Variants in RAD54B observed in about 807,000 individuals in gnomAD.
The protein encoded by RAD54B is DNA repair and recombination protein RAD54B.
In RAD54B, 78 loss-of-function variants were observed where a neutral mutation model predicts 95.8. The ratio of observed to expected loss-of-function variants is 0.81; its 90% confidence interval spans 0.68 to 0.98. The LOEUF is 0.98. Ranked by LOEUF, RAD54B falls within the 50% of genes least tolerant of loss-of-function variation. The pLI is 0.00. For missense variants in RAD54B, 957 were observed against 1,056.6 expected (o/e 0.91, Z 1.31); for synonymous variants, 328 against 354.9 (o/e 0.92, Z 0.85).
At chr8:94,375,535 T>C (rs917826055) in intron 14 of RAD54B, among the ~76,000 whole-genome samples, 1 of 152,224 alleles carries the variant, frequency 6.6e-6, no homozygotes, top group Non-Finnish European at 1.5e-5. Flanking sequence ...TCCCCAGCTA[T>C]GTGGAACTGT....
chr8:94,388,575 A>G (rs16916792), intron 10 of RAD54B, among the ~76,000 whole-genome samples: 3,922 of 152,162 alleles, frequency 0.026, 182 homozygotes, highest in African/African-American at 0.089. Flanking sequence ...ACTTTTTTTT[A>G]TACTTCACAA....
chr8:94,416,376 C>T (rs189054466), intron 3 of RAD54B, among the ~76,000 whole-genome samples: 8 of 150,624 alleles, frequency 5.3e-5, no homozygotes, highest in South Asian at 4.2e-4. Flanking sequence ...TGTGGTGGGG[C>T]GAGGGGGGAG....
chr8:94,442,400 G>A lies in RAD54B; in HGVS notation c.304+15868C>T, dbSNP rs139685483. ...ATCCTGGCTAACATGGTGAAACCCC[G>A]TCTCTACTACTAAAAATACAAAACA... On this transcript the variant is annotated intron_variant, in intron 3 of 14. Coordinates refer to ENST00000336148, the MANE Select transcript of RAD54B (RefSeq NM_012415.3). Among the ~76,000 whole-genome samples, 746 of 152,020 alleles carry A rather than the reference G, an allele frequency of 4.9e-3. 38 individuals carry two copies. In the East Asian group the frequency reaches 0.12, roughly 25 times the overall value.
chr8:94,418,204 T>C (rs1191527432), intron 3 of RAD54B, among the ~76,000 whole-genome samples: 3 of 152,218 alleles, frequency 2.0e-5, no homozygotes, highest in Admixed American at 6.5e-5. Context: ...TAGTCCCTTA[T>C]TACTGGACTT....
chr8:94,445,529 G>T (rs1812501390), intron 3 of RAD54B, among the ~76,000 whole-genome samples: 1 of 151,996 alleles, frequency 6.6e-6, no homozygotes. Flanking sequence ...AATAAAATTT[G>T]TTTTTACCAC....
At position 94,400,382 on chromosome 8, in the gene RAD54B, G is replaced by C; in HGVS notation, c.1026C>G (p.Thr342=). The change falls in exon 7 of 15, where the codon ACC becomes ACG. Residue 342 remains threonine, a synonymous_variant. Coordinates refer to ENST00000336148, the MANE Select transcript of RAD54B (RefSeq NM_012415.3). ...KTLQCISLIW[T]LQCQGPYGGK... ...CTCCATAGGGTCCCTGACACTGCAG[G>C]GTCCAGATGAGCGAAATACATTGCA... is the stretch of plus-strand genomic sequence containing the variant. 1 of 1,613,670 alleles carries C rather than the reference G, an allele frequency of 6.2e-7. No homozygotes were observed. The highest frequency in any genetic ancestry group is 1.7e-4 in the Middle Eastern group (1 of 6,060).
At chr8:94,460,195 G>C (rs1451960838) in intron 2 of RAD54B, among the ~76,000 whole-genome samples, 1 of 151,058 alleles carries the variant, frequency 6.6e-6, no homozygotes, top group East Asian at 2.0e-4. Context: ...TCATGGCCAG[G>C]CATGGTGGCT....
At chr8:94,474,147 A>C (rs1270291215) in intron 1 of RAD54B, among the ~76,000 whole-genome samples, 2 of 152,228 alleles carry the variant, frequency 1.3e-5, no homozygotes, top group Non-Finnish European at 2.9e-5. Flanking sequence ...TCTCACTTAT[A>C]AATGGGAGCT....
intron 3 of RAD54B, among the ~76,000 whole-genome samples, chr8:94,420,509 G>A (rs976741662): frequency 6.6e-6 from 1 of 151,556 alleles, no homozygotes; most frequent in African/African-American, 2.4e-5. Flanking sequence ...TCTGGTCTAC[G>A]TCAGCCTCCC....
At chr8:94,373,524 G>A (rs1340801515) in intron 14 of RAD54B, among the ~76,000 whole-genome samples, 1 of 152,200 alleles carries the variant, frequency 6.6e-6, no homozygotes, top group African/African-American at 2.4e-5. Context: ...GGGTATCCCA[G>A]CAGAGGACTC....
At chr8:94,470,403 C>T (rs1320589433) in intron 1 of RAD54B, among the ~76,000 whole-genome samples, 2 of 152,166 alleles carry the variant, frequency 1.3e-5, no homozygotes, top group African/African-American at 4.8e-5. Context: ...CAAGACCAGC[C>T]TCATCAACAT....
intron 1 of RAD54B, among the ~76,000 whole-genome samples, chr8:94,474,429 G>C (rs1042452396): frequency 7.9e-5 from 12 of 152,234 alleles, no homozygotes; most frequent in Non-Finnish European, 1.5e-5. Context: ...CAGTAGGTTA[G>C]CTGTGTTTTA....
intron 3 of RAD54B, chr8:94,429,562 G>A (rs1387770229): frequency 2.0e-6 from 2 of 982,320 alleles, no homozygotes; most frequent in African/African-American, 1.8e-5. Flanking sequence ...TCTCATATAT[G>A]TGCTTTCAAT....
In RAD54B at chr8:94,389,258, C is replaced by T. The variant is rs192558787; in HGVS notation, c.1810-2099G>A. Among the ~76,000 whole-genome samples, 247 of 152,288 alleles carry T rather than the reference C, an allele frequency of 1.6e-3. 4 individuals carry two copies. Among genetic ancestry groups the T allele is most frequent in the African/African-American group, 5.8e-3 (240 of 41,562 alleles). Reference sequence around the variant, plus strand: ...GCGTGAGCCACCGCCCTGGCCAAGACGGGCGATCTTAATGCACAAGTTCTT... The same window carrying T: ...GCGTGAGCCACCGCCCTGGCCAAGATGGGCGATCTTAATGCACAAGTTCTT... On this transcript the variant is annotated intron_variant, in intron 10 of 14. Coordinates refer to ENST00000336148, the MANE Select transcript of RAD54B (RefSeq NM_012415.3).
chr8:94,458,538 G>GTT (rs773569026), intron 2 of RAD54B, 102 bp from the exon 3 acceptor site: 19 of 824,798 alleles, frequency 2.3e-5, no homozygotes, highest in Admixed American at 7.0e-5. Context: ...GGACATACTG[G>GTT]TTATATATAT....
intron 8 of RAD54B, among the ~76,000 whole-genome samples, chr8:94,394,896 G>A (rs2129994194): frequency 6.6e-6 from 1 of 151,972 alleles, no homozygotes; most frequent in Admixed American, 6.6e-5. Flanking sequence ...AAACTTAATG[G>A]GTCCTCCCCA....
chr8:94,374,647 G>C (rs1166873487), intron 14 of RAD54B, among the ~76,000 whole-genome samples: 2 of 151,900 alleles, frequency 1.3e-5, no homozygotes, highest in Non-Finnish European at 2.9e-5. Context: ...AAGACAAAAT[G>C]AAAGCAAAAG....
At chr8:94,445,237 T>TA (rs1203350098) in intron 3 of RAD54B, among the ~76,000 whole-genome samples, 4 of 152,124 alleles carry the variant, frequency 2.6e-5, no homozygotes, top group African/African-American at 9.7e-5. Flanking sequence ...TAAAGGGTAC[T>TA]AATCGCATTC....
rs2470741 is a variant in RAD54B, at chr8:94,386,817, C to T, written c.1985+167G>A. ...TTTAGTTTTTCTTAAAACTTACAGACACATTGTTAATTACAAGTTTATGAA... is the reference window on the plus strand; with the variant it reads ...TTTAGTTTTTCTTAAAACTTACAGATACATTGTTAATTACAAGTTTATGAA... On this transcript the variant is annotated intron_variant, in intron 11 of 14. Coordinates refer to ENST00000336148, the MANE Select transcript of RAD54B (RefSeq NM_012415.3). Among the ~76,000 whole-genome samples the T allele has an allele frequency of 0.91, 137,752 of 152,210 alleles. 62,774 individuals are homozygous for T. The highest frequency in any genetic ancestry group is 0.96 in the Non-Finnish European group (65,157 of 68,020).
Sources: allele counts gnomAD v4.1 joint callset (sites outside exome capture counted in the v4.1 genomes callset), GRCh38; gene constraint gnomAD v4.1.1; transcripts MANE v1.5; gene names NCBI Gene and HGNC (gene_info 2026-07-23, HGNC 2026-07-21).